CFAP299: variants seen among roughly 807,000 people sequenced by gnomAD.
CFAP299 encodes the protein cilia and flagella associated protein 299, also known as cilia- and flagella-associated protein 299.
In CFAP299, 21 loss-of-function variants were observed where a neutral mutation model predicts 27.0. The ratio of observed to expected loss-of-function variants is 0.78; its 90% CI spans 0.55 to 1.12. The LOEUF is 1.12. Ranked by LOEUF, CFAP299 falls within the 50% of genes most tolerant of loss-of-function variation. CFAP299 has a pLI of 0.00. For missense variants in CFAP299, 310 were observed against 276.6 expected, an observed-to-expected ratio of 1.12 and a Z score of -0.86; for synonymous variants, 104 against 98.1, an observed-to-expected ratio of 1.06 and a Z score of -0.36.
At chr4:80,814,580 A>G (rs752475110) in intron 3 of CFAP299, among the ~76,000 whole-genome samples, 2 of 152,050 alleles carry the variant, frequency 1.3e-5, no homozygotes, top group Non-Finnish European at 2.9e-5. Context: ...GTAATTTGGG[A>G]ATAATTTTAA....
At chr4:80,955,017 A>C (rs866408145) in intron 5 of CFAP299, among the ~76,000 whole-genome samples, 12,856 of 134,298 alleles carry the variant, frequency 0.096, 2,408 homozygotes, top group Non-Finnish European at 0.14. Flanking sequence ...AAAAAAAAAA[A>C]AAAAAAAAAA....
chr4:80,861,076 T>G (rs1732312625), intron 3 of CFAP299, among the ~76,000 whole-genome samples: 1 of 152,166 alleles, frequency 6.6e-6, no homozygotes, highest in African/African-American at 2.4e-5. Context: ...AGTTGGAGCT[T>G]TCAGCTGCTT....
chr4:80,940,703 C>A lies in CFAP299; in HGVS notation c.477-4107C>A, dbSNP rs28540471. On this transcript the variant is annotated intron_variant, in intron 4 of 5. Coordinates refer to ENST00000358105, the MANE Select transcript of CFAP299 (RefSeq NM_152770.3). The stretch of plus-strand genomic sequence containing the variant: ...TTTTCATTTCACAAAAAGTTACCTT[C>A]GTGAGTTTTTTCAGTTTATTTTCGT... 1.2e-4 allele frequency among the ~76,000 whole-genome samples: 19 copies of A among 152,186 alleles called. No individual in the cohort carries two copies. The East Asian group carries it at 3.3e-3, about 26-fold the overall frequency.
chr4:80,649,733 A>G (rs114238844), intron 3 of CFAP299, among the ~76,000 whole-genome samples: 1,714 of 152,218 alleles, frequency 0.011, 26 homozygotes, highest in African/African-American at 0.039. Flanking sequence ...AAATTAAAAT[A>G]TAACTTTTTT....
At chr4:80,844,103 A>G (rs887691165) in intron 3 of CFAP299, among the ~76,000 whole-genome samples, 5 of 152,276 alleles carry the variant, frequency 3.3e-5, no homozygotes, top group Middle Eastern at 6.8e-3. Flanking sequence ...TTATGGCTGC[A>G]TAGTATTCCA....
At chr4:80,579,282 G>A (rs768649550) in intron 2 of CFAP299, among the ~76,000 whole-genome samples, 3 of 152,114 alleles carry the variant, frequency 2.0e-5, no homozygotes, top group Non-Finnish European at 4.4e-5. Flanking sequence ...TTAAATACAC[G>A]CCTTAGAAGG....
At chr4:80,525,775 A>G (rs1156408093) in intron 2 of CFAP299, among the ~76,000 whole-genome samples, 1 of 152,000 alleles carries the variant, frequency 6.6e-6, no homozygotes, top group African/African-American at 2.4e-5. Flanking sequence ...CTTCCAGCTC[A>G]CTTCTTCAGA....
At chr4:80,550,353 G>T (rs1235329303) in intron 2 of CFAP299, among the ~76,000 whole-genome samples, 1 of 151,850 alleles carries the variant, frequency 6.6e-6, no homozygotes, top group African/African-American at 2.4e-5. Context: ...TCGTTTTATT[G>T]CGATTGCATC....
chr4:80,451,567 G>T (rs953084050), intron 2 of CFAP299, among the ~76,000 whole-genome samples: 5 of 152,236 alleles, frequency 3.3e-5, no homozygotes, highest in Non-Finnish European at 5.9e-5. Context: ...GTTTTGTCTA[G>T]TACACAGTAT....
At chr4:80,875,094 C>T (rs986590482) in intron 4 of CFAP299, among the ~76,000 whole-genome samples, 3 of 151,944 alleles carry the variant, frequency 2.0e-5, no homozygotes, top group Non-Finnish European at 4.4e-5. Flanking sequence ...TGGCTCATAT[C>T]GTATTATATC....
intron 4 of CFAP299, among the ~76,000 whole-genome samples, chr4:80,878,175 T>A (rs916009684): frequency 5.1e-4 from 78 of 152,262 alleles, no homozygotes; most frequent in Admixed American, 4.9e-3. Flanking sequence ...TACTGTCCTT[T>A]TCTTTAAAAG....
intron 2 of CFAP299, among the ~76,000 whole-genome samples, chr4:80,438,691 G>A (rs982401838): frequency 6.6e-6 from 1 of 152,066 alleles, no homozygotes; most frequent in African/African-American, 2.4e-5. Flanking sequence ...GAAATGTCCA[G>A]GCTTTTCTCC....
At chr4:80,800,622 A>G (rs1342850726) in intron 3 of CFAP299, among the ~76,000 whole-genome samples, 4 of 101,482 alleles carry the variant, frequency 3.9e-5, no homozygotes, top group Admixed American at 1.7e-4. Flanking sequence ...AATATATAAT[A>G]TATTAATATA....
intron 2 of CFAP299, among the ~76,000 whole-genome samples, chr4:80,503,482 T>C (rs1731839801): frequency 6.6e-6 from 1 of 152,258 alleles, no homozygotes; most frequent in African/African-American, 2.4e-5. Flanking sequence ...ATGTTCTTAT[T>C]CTCAGGAGAG....
chr4:80,518,950 G>A (rs938495765), intron 2 of CFAP299, among the ~76,000 whole-genome samples: 1 of 152,152 alleles, frequency 6.6e-6, no homozygotes, highest in African/African-American at 2.4e-5. Flanking sequence ...GGCAAGTGAA[G>A]TGAATGCTGG....
At chr4:80,336,609 C>T (rs982044049) in intron 1 of CFAP299, 1 of 152,240 alleles carries the variant, frequency 6.6e-6, no homozygotes, top group Non-Finnish European at 1.5e-5. Flanking sequence ...AGTTCTTGTC[C>T]TGTGCCACGG....
chr4:80,398,707 T>G (rs1725958938), intron 2 of CFAP299, among the ~76,000 whole-genome samples: 1 of 152,192 alleles, frequency 6.6e-6, no homozygotes, highest in Admixed American at 6.5e-5. Flanking sequence ...GATTGAAGAC[T>G]TAAATGTTAG....
rs1739737487 is a variant in CFAP299, at chr4:80,641,754, T to C, written c.333+58571T>C. On this transcript the variant is annotated intron_variant, in intron 3 of 5. Transcript: ENST00000358105. ...CACATGGACGTGATCTAAGTGAGCATTATTTGGCCACAAAGTGGGGTCATT... is the reference window on the plus strand; with the variant it reads ...CACATGGACGTGATCTAAGTGAGCACTATTTGGCCACAAAGTGGGGTCATT... Among the ~76,000 whole-genome samples, 3 of 152,172 alleles carry C rather than the reference T, an allele frequency of 2.0e-5. No individual in the cohort carries two copies. In the South Asian group the frequency reaches 6.2e-4, roughly 32 times the overall value.
intron 3 of CFAP299, among the ~76,000 whole-genome samples, chr4:80,778,840 A>G (rs762257449): frequency 1.4e-4 from 22 of 152,038 alleles, no homozygotes; most frequent in Admixed American, 6.6e-4. Flanking sequence ...CAATCCACCA[A>G]TCTCACTGAG....
Sources: allele counts gnomAD v4.1 joint callset (sites outside exome capture counted in the v4.1 genomes callset), GRCh38; gene constraint gnomAD v4.1.1; transcripts MANE v1.5; gene names NCBI Gene and HGNC (gene_info 2026-07-23, HGNC 2026-07-21).